The following MRPS27 variants were observed in gnomAD, a reference collection of about 807,000 sequenced individuals.
The protein encoded by MRPS27 is small ribosomal subunit protein mS27.
In MRPS27, 43 loss-of-function variants were observed where a neutral mutation model predicts 48.9. That is an observed-to-expected ratio of 0.88 (90% CI 0.69 to 1.13). The LOEUF is 1.13. Among genes scored for constraint, MRPS27 ranks in the 50% most tolerant of loss-of-function variants. The probability of loss-of-function intolerance (pLI) is 0.00; values close to 1 mark genes in which losing one functional copy is unlikely to be tolerated. For synonymous variants in MRPS27, 188 were observed against 171.9 expected (o/e 1.09, Z -0.73); for missense variants, 467 against 476.3 (o/e 0.98, Z 0.18).
chr5:72,300,390 C>T (rs55739457), intron 2 of MRPS27, among the ~76,000 whole-genome samples: 9,615 of 152,204 alleles, frequency 0.063, 550 homozygotes, highest in African/African-American at 0.15. Flanking sequence ...CGCCTTTAAC[C>T]ATTACCTACA....
rs778428896 is a variant in MRPS27 at position 72,228,285 on chromosome 5, CAACTGGG to C, written c.668_674del (p.Ser223CysfsTer25). 1 of 1,613,172 alleles carries C rather than the reference CAACTGGG, an allele frequency of 6.2e-7. No individual in the cohort carries two copies. The highest frequency in any genetic ancestry group is 8.5e-7 in the Non-Finnish European group (1 of 1,179,370). On this transcript the variant is annotated frameshift_variant, in exon 8 of 11. Transcript: ENST00000261413. LOFTEE classifies it high-confidence loss of function. ...GCTTACCAAGAAGTGCATAGCCATACAACTGGGAACTGAAACCCACTGAGTTCTTTTG... is the reference window on the plus strand; with the variant it reads ...GCTTACCAAGAAGTGCATAGCCATACAACTGAAACCCACTGAGTTCTTTTG...
At chr5:72,231,231 T>C (rs113184248) in intron 7 of MRPS27, among the ~76,000 whole-genome samples, 1 of 152,258 alleles carries the variant, frequency 6.6e-6, no homozygotes, top group East Asian at 1.9e-4. Context: ...TTCCAGCCCA[T>C]TTCTGCTCAC....
At position 72,223,666 on chromosome 5, in the gene MRPS27, G is replaced by A. The variant is rs376664405; in HGVS notation, c.1005+17C>T. 161 of 1,613,686 alleles carry A rather than the reference G, an allele frequency of 1.0e-4. 1 individual carries two copies. In the South Asian group the frequency reaches 1.2e-3, roughly 12 times the overall value. On this transcript the variant is annotated intron_variant, in intron 10 of 10. Coordinates refer to ENST00000261413, the MANE Select transcript of MRPS27 (RefSeq NM_015084.3). Reference sequence around the variant, plus strand: ...TTTTATGCGCTGCTAAGAGAGACACGTTCTGCTATGATTCACCTTAAATCG... The same window carrying A: ...TTTTATGCGCTGCTAAGAGAGACACATTCTGCTATGATTCACCTTAAATCG...
At chr5:72,238,769 A>G (rs531718537) in intron 4 of MRPS27, among the ~76,000 whole-genome samples, 200 of 152,308 alleles carry the variant, frequency 1.3e-3, no homozygotes, top group African/African-American at 4.7e-3. Context: ...CAGGGTCTTA[A>G]AAGTCTGAAG....
chr5:72,285,099 T>C (rs1026109900), intron 4 of MRPS27, among the ~76,000 whole-genome samples: 2 of 152,198 alleles, frequency 1.3e-5, no homozygotes, highest in Admixed American at 6.5e-5. Flanking sequence ...TAATGACAGA[T>C]TTTGAACCCT....
At chr5:72,284,365 A>G (rs1169473237) in intron 4 of MRPS27, among the ~76,000 whole-genome samples, 1 of 151,592 alleles carries the variant, frequency 6.6e-6, no homozygotes, top group East Asian at 1.9e-4. Context: ...TTGAGGGTAC[A>G]GTGAGCTAAG....
intron 2 of MRPS27, among the ~76,000 whole-genome samples, chr5:72,311,919 C>T (rs1384332471): frequency 1.3e-5 from 2 of 152,112 alleles, no homozygotes; most frequent in Non-Finnish European, 2.9e-5. Flanking sequence ...GATCACCTGA[C>T]ACCAGGAGTT....
chr5:72,238,901 G>A (rs1325647619), intron 4 of MRPS27, among the ~76,000 whole-genome samples: 2 of 152,172 alleles, frequency 1.3e-5, no homozygotes, highest in African/African-American at 4.8e-5. Flanking sequence ...GATGGAAGCT[G>A]CTACTCCCGG....
At chr5:72,285,977 C>A (rs1340381088) in intron 4 of MRPS27, among the ~76,000 whole-genome samples, 1 of 152,170 alleles carries the variant, frequency 6.6e-6, no homozygotes, top group African/African-American at 2.4e-5. Flanking sequence ...GACACGAATC[C>A]GTCCTCATTT....
At chr5:72,251,000 T>C (rs1480383744) in intron 4 of MRPS27, among the ~76,000 whole-genome samples, 1 of 152,128 alleles carries the variant, frequency 6.6e-6, no homozygotes, top group Non-Finnish European at 1.5e-5. Context: ...GATATGAAGA[T>C]TAAAGAGATA....
At chr5:72,238,243 A>G in intron 4 of MRPS27, 115 bp from the exon 5 acceptor site, 1 of 657,296 alleles carries the variant, frequency 1.5e-6, no homozygotes, top group Non-Finnish European at 2.7e-6. Context: ...ACAGAAATTC[A>G]TAAAAGTCAA....
chr5:72,295,468 C>CT, intron 4 of MRPS27, 63 bp downstream of exon 4: 1 of 1,279,470 alleles, frequency 7.8e-7, no homozygotes, highest in Non-Finnish European at 1.1e-6. Flanking sequence ...CATATACCAA[C>CT]TTTTATGTAA....
At chr5:72,246,012 T>C (rs1172270665) in intron 4 of MRPS27, among the ~76,000 whole-genome samples, 2 of 152,220 alleles carry the variant, frequency 1.3e-5, no homozygotes, top group Non-Finnish European at 2.9e-5. Context: ...AGCTAGTTTC[T>C]ATTTCTGTAA....
At chr5:72,300,656 A>G (rs749887969) in intron 2 of MRPS27, among the ~76,000 whole-genome samples, 3 of 152,150 alleles carry the variant, frequency 2.0e-5, no homozygotes, top group Non-Finnish European at 4.4e-5. Context: ...CTCTATAACC[A>G]ATTTGTCAAT....
intron 4 of MRPS27, among the ~76,000 whole-genome samples, chr5:72,286,487 A>G (rs1749677169): frequency 6.6e-6 from 1 of 152,238 alleles, no homozygotes; most frequent in South Asian, 2.1e-4. Context: ...GCAATTTAAA[A>G]ATAGCCTTTT....
At chr5:72,280,891 T>C (rs1198486878) in intron 4 of MRPS27, among the ~76,000 whole-genome samples, 2 of 152,250 alleles carry the variant, frequency 1.3e-5, no homozygotes, top group East Asian at 3.8e-4. Context: ...CCCTTCTGGT[T>C]TGTGGCTGTA....
At chr5:72,298,461 A>G (rs911966530) in intron 2 of MRPS27, among the ~76,000 whole-genome samples, 4 of 152,226 alleles carry the variant, frequency 2.6e-5, no homozygotes, top group Non-Finnish European at 5.9e-5. Context: ...CACTGTGGAA[A>G]GCAGTTTGGA....
intron 4 of MRPS27, 23 bp downstream of exon 4, chr5:72,295,508 G>A: frequency 1.9e-6 from 3 of 1,580,020 alleles, no homozygotes; most frequent in Non-Finnish European, 2.6e-6. Flanking sequence ...AGAGTACATA[G>A]CCAAATCAAA....
At chr5:72,257,741 T>G (rs976453449) in intron 4 of MRPS27, among the ~76,000 whole-genome samples, 5 of 149,622 alleles carry the variant, frequency 3.3e-5, no homozygotes, top group Non-Finnish European at 7.5e-5. Context: ...TGGGATTATG[T>G]GAGCAGCAGG....
Sources: allele counts gnomAD v4.1 joint callset (sites outside exome capture counted in the v4.1 genomes callset), GRCh38; gene constraint gnomAD v4.1.1; transcripts MANE v1.5; gene names NCBI Gene and HGNC (gene_info 2026-07-23, HGNC 2026-07-21).